Variants in ATG5 observed in about 807,000 individuals in gnomAD.
The protein encoded by ATG5 is autophagy related 5.
In ATG5, 14 loss-of-function variants were observed where a neutral mutation model predicts 36.5. The ratio of observed to expected loss-of-function variants is 0.38; its 90% CI spans 0.25 to 0.60. The LOEUF is 0.60. Ranked by LOEUF, ATG5 falls within the 20% of genes least tolerant of loss-of-function variation. ATG5 has a pLI of 0.60. For missense variants in ATG5, 195 were observed against 326.7 expected, an observed-to-expected ratio of 0.60 and a Z score of 3.11; for synonymous variants, 95 against 101.5, an observed-to-expected ratio of 0.94 and a Z score of 0.38.
chr6:106,322,161 T>C (rs1473116488), intron 1 of ATG5, among the ~76,000 whole-genome samples: 2 of 152,174 alleles, frequency 1.3e-5, no homozygotes, highest in Non-Finnish European at 2.9e-5. Flanking sequence ...GGGGCTATTA[T>C]TGACTTCTAT....
At chr6:106,207,543 A>AAAAAAG (rs1554213499) in intron 6 of ATG5, among the ~76,000 whole-genome samples, 1 of 151,866 alleles carries the variant, frequency 6.6e-6, no homozygotes, top group African/African-American at 2.4e-5. Context: ...TCTTAAAAAA[A>AAAAAAG]AAAGAAAGAA....
At position 106,291,451 on chromosome 6, in the gene ATG5, T is replaced by C. The variant is rs532343278; in HGVS notation, c.315+1577A>G. On this transcript the variant is annotated intron_variant, in intron 4 of 7. Transcript: ENST00000369076. ...ATGTTAACACAACGGGAAGGGCCAA[T>C]AACATCCTGATATTATTATATCATG... 2.0e-5 allele frequency among the ~76,000 whole-genome samples: 3 copies of C among 152,322 alleles called. No homozygotes were observed. The South Asian group carries it at 6.2e-4, about 32-fold the overall frequency.
At chr6:106,284,274 C>T (rs1779993924) in intron 4 of ATG5, among the ~76,000 whole-genome samples, 1 of 152,216 alleles carries the variant, frequency 6.6e-6, no homozygotes, top group Admixed American at 6.5e-5. Context: ...AAAAAGGCTA[C>T]ACCATTTTAC....
intron 2 of ATG5, among the ~76,000 whole-genome samples, chr6:106,310,712 T>A (rs1181592754): frequency 6.6e-6 from 1 of 152,156 alleles, no homozygotes; most frequent in Admixed American, 6.5e-5. Context: ...CATTCCCTGC[T>A]TCCCCAGCTC....
At chr6:106,263,066 A>G (rs1371371087) in intron 5 of ATG5, among the ~76,000 whole-genome samples, 1 of 152,206 alleles carries the variant, frequency 6.6e-6, no homozygotes, top group Admixed American at 6.5e-5. Flanking sequence ...TCCCACTCCT[A>G]CGGAGCCCAG....
chr6:106,221,481 T>C (rs111396820), intron 6 of ATG5, among the ~76,000 whole-genome samples: 3,741 of 152,074 alleles, frequency 0.025, 64 homozygotes, highest in African/African-American at 0.049. Context: ...AGCCCAGGAA[T>C]TCGAGACCAA....
chr6:106,262,681 T>C (rs1039570863), intron 5 of ATG5, among the ~76,000 whole-genome samples: 4 of 151,730 alleles, frequency 2.6e-5, no homozygotes, highest in African/African-American at 9.7e-5. Flanking sequence ...TGGGACCGGT[T>C]AGGCAGTGGA....
intron 3 of ATG5, among the ~76,000 whole-genome samples, chr6:106,298,735 T>C (rs1770084909): frequency 6.6e-6 from 1 of 152,202 alleles, no homozygotes; most frequent in African/African-American, 2.4e-5. Context: ...AATTTTTATG[T>C]TAGAATTATT....
chr6:106,272,656 G>C (rs141721964), intron 5 of ATG5, among the ~76,000 whole-genome samples: 1,571 of 152,294 alleles, frequency 0.01, 26 homozygotes, highest in African/African-American at 0.036. Context: ...CACATTCAGA[G>C]GGAAGGGATC....
intron 7 of ATG5, among the ~76,000 whole-genome samples, chr6:106,187,897 A>G (rs1393911402): frequency 1.3e-5 from 2 of 151,950 alleles, no homozygotes; most frequent in African/African-American, 2.4e-5. Context: ...TGTGAAAAAT[A>G]AAAACTTTAA....
At chr6:106,209,029 C>T (rs889509286) in intron 6 of ATG5, among the ~76,000 whole-genome samples, 2 of 152,092 alleles carry the variant, frequency 1.3e-5, no homozygotes, top group Non-Finnish European at 2.9e-5. Context: ...AGTGGTAACA[C>T]CAAATGCTGG....
chr6:106,236,583 G>A (rs1468206648), intron 6 of ATG5, among the ~76,000 whole-genome samples: 1 of 152,152 alleles, frequency 6.6e-6, no homozygotes, highest in Non-Finnish European at 1.5e-5. Context: ...TTTTCCTGAT[G>A]AGTAACAATA....
chr6:106,246,386 TCTCTCTCACACA>T (rs1267150796), intron 6 of ATG5, among the ~76,000 whole-genome samples: 7 of 96,226 alleles, frequency 7.3e-5, no homozygotes, highest in South Asian at 6.7e-4. Flanking sequence ...TCTCTCTCTC[TCTCTCTCACACA>T]CACACACACA....
intron 3 of ATG5, among the ~76,000 whole-genome samples, chr6:106,294,234 T>G (rs1382344287): frequency 1.3e-5 from 2 of 152,016 alleles, no homozygotes; most frequent in African/African-American, 4.8e-5. Flanking sequence ...TATTAATGAG[T>G]TACTCCTAGA....
intron 5 of ATG5, among the ~76,000 whole-genome samples, chr6:106,251,642 A>G (rs868721231): frequency 0.016 from 4 of 258 alleles, no homozygotes; most frequent in African/African-American, 0.052. Context: ...TCAGAGAGAG[A>G]GAGAGGGAGG....
chr6:106,300,974 G>A (rs1770184857), intron 3 of ATG5, among the ~76,000 whole-genome samples: 1 of 152,032 alleles, frequency 6.6e-6, no homozygotes, highest in African/African-American at 2.4e-5. Context: ...CGTGCTTGAA[G>A]GTCTAAGATC....
At chr6:106,216,562 C>A (rs906814341) in intron 6 of ATG5, among the ~76,000 whole-genome samples, 2 of 152,036 alleles carry the variant, frequency 1.3e-5, no homozygotes, top group African/African-American at 4.8e-5. Context: ...TTAGTAGTTG[C>A]CAAGGGCTGG....
intron 2 of ATG5, 49 bp from the exon 3 acceptor site, chr6:106,308,540 T>A (rs1433620542): frequency 3.0e-6 from 4 of 1,347,962 alleles, no homozygotes; most frequent in African/African-American, 1.5e-5. Flanking sequence ...TTATTATTTT[T>A]AAAAAATACT....
At chr6:106,204,780 G>T (rs182650157) in intron 6 of ATG5, among the ~76,000 whole-genome samples, 1 of 152,254 alleles carries the variant, frequency 6.6e-6, no homozygotes, top group Admixed American at 6.5e-5. Flanking sequence ...AAGCCATACG[G>T]AACTGTGAGT....
Sources: gnomAD v4.1 joint callset for allele counts (sites outside exome capture counted in the v4.1 genomes callset) on GRCh38, gnomAD v4.1.1 for gene constraint, MANE v1.5 for transcripts, NCBI Gene and HGNC (gene_info 2026-07-23, HGNC 2026-07-21) for gene names.